The following RGSL1 variants were observed in gnomAD, a reference collection of about 807,000 sequenced individuals.
RGSL1 encodes the protein regulator of G protein signaling like 1.
Under a neutral mutation model 124.7 loss-of-function variants are expected in RGSL1, and 97 were observed. The observed-to-expected ratio is 0.78, with a 90% CI of 0.66 to 0.92. RGSL1 has a LOEUF of 0.92. Ranked by LOEUF, RGSL1 falls within the 40% of genes least tolerant of loss-of-function variation. RGSL1 has a pLI of 0.00. For synonymous variants in RGSL1, 424 were observed against 438.1 expected (o/e 0.97, Z 0.40); for missense variants, 1,233 against 1,288.4 (o/e 0.96, Z 0.66).
intron 6 of RGSL1, among the ~76,000 whole-genome samples, chr1:182,481,583 A>C (rs1654711253): frequency 6.6e-6 from 1 of 152,324 alleles, no homozygotes; most frequent in African/African-American, 2.4e-5. Context: ...TTTCAAAGTA[A>C]TTTATGAGGC....
chr1:182,502,448 T>A (rs1656466537), intron 9 of RGSL1, among the ~76,000 whole-genome samples: 1 of 152,186 alleles, frequency 6.6e-6, no homozygotes, highest in Non-Finnish European at 1.5e-5. Context: ...CAATGGCACA[T>A]GCCTGTAGTC....
chr1:182,525,722 G>T (rs1658690781), intron 10 of RGSL1, among the ~76,000 whole-genome samples: 1 of 151,856 alleles, frequency 6.6e-6, no homozygotes, highest in Non-Finnish European at 1.5e-5. Context: ...CATATTTAAA[G>T]TAAAATCAAA....
intron 15 of RGSL1, among the ~76,000 whole-genome samples, chr1:182,541,750 T>C (rs1446635573): frequency 6.6e-6 from 1 of 152,146 alleles, no homozygotes; most frequent in Non-Finnish European, 1.5e-5. Flanking sequence ...TTATTCCCTG[T>C]CTTTTTGATA....
intron 15 of RGSL1, among the ~76,000 whole-genome samples, chr1:182,546,613 C>T (rs1288422125): frequency 6.6e-6 from 1 of 152,120 alleles, no homozygotes; most frequent in Non-Finnish European, 1.5e-5. Context: ...AGGATGGTCT[C>T]GATCTCCTGA....
At chr1:182,473,249 G>C (rs948640555) in intron 5 of RGSL1, among the ~76,000 whole-genome samples, 1 of 152,156 alleles carries the variant, frequency 6.6e-6, no homozygotes, top group Non-Finnish European at 1.5e-5. Context: ...ATCCTGTTCA[G>C]ATGTAGATGT....
Position 182,560,425 on chromosome 1 carries a change from T to C in RGSL1, c.*312T>C, listed in dbSNP as rs905343847. 3.9e-5 allele frequency: 6 copies of C among 152,170 alleles called. No individual in the cohort carries two copies. The highest frequency in any genetic ancestry group is 9.7e-5 in the African/African-American group (4 of 41,436). 9.4% of individuals were successfully genotyped at this position (152,170 alleles called of 1,614,324 possible). A position where few individuals can be genotyped will look rare whatever the true frequency, so the allele number is the denominator to read the frequency against. ...AGTGACATGAAGTCTCCCCTCTTTA[T>C]ACACACGTATGAAAATACATCTATC... On this transcript the variant is annotated 3_prime_UTR_variant, in exon 22 of 22. Transcript: ENST00000294854.
At chr1:182,488,829 C>A in intron 7 of RGSL1, 151 bp from the exon 8 acceptor site, 1 of 584,842 alleles carries the variant, frequency 1.7e-6, no homozygotes, top group Admixed American at 3.3e-5. Flanking sequence ...TGGGGGTTGG[C>A]ATGTAAAGGA....
chr1:182,498,478 G>T (rs1299863829), intron 9 of RGSL1, among the ~76,000 whole-genome samples: 1 of 152,106 alleles, frequency 6.6e-6, no homozygotes, highest in Non-Finnish European at 1.5e-5. Context: ...TCTTATTAGT[G>T]GTTCGAGCTA....
At chr1:182,499,846 T>C (rs1257688697) in intron 9 of RGSL1, among the ~76,000 whole-genome samples, 1 of 152,208 alleles carries the variant, frequency 6.6e-6, no homozygotes. Flanking sequence ...CTTAAGGACC[T>C]CTTGTAAGGC....
intron 10 of RGSL1, among the ~76,000 whole-genome samples, chr1:182,525,416 A>G (rs912218298): frequency 1.3e-5 from 2 of 152,214 alleles, no homozygotes; most frequent in Non-Finnish European, 2.9e-5. Context: ...ATAATGATTA[A>G]CCAAATATAG....
At chr1:182,460,670 G>A (rs1213851260) in intron 4 of RGSL1, 2 of 455,986 alleles carry the variant, frequency 4.4e-6, no homozygotes, top group South Asian at 3.1e-5. Flanking sequence ...GGTGCTGGAG[G>A]GACTCCCAGG....
intron 9 of RGSL1, among the ~76,000 whole-genome samples, chr1:182,512,499 A>G (rs576877213): frequency 6.6e-6 from 1 of 152,270 alleles, no homozygotes; most frequent in African/African-American, 2.4e-5. Flanking sequence ...GAGGAGGGGC[A>G]CGCAGACAGG....
intron 14 of RGSL1, among the ~76,000 whole-genome samples, chr1:182,535,633 CA>C (rs1278307691): frequency 6.6e-6 from 1 of 152,132 alleles, no homozygotes; most frequent in Admixed American, 6.6e-5. Flanking sequence ...GCCTCTCAAC[CA>C]AAAATTAATA....
chr1:182,475,004 A>C (rs927574131), intron 6 of RGSL1, among the ~76,000 whole-genome samples: 1 of 152,178 alleles, frequency 6.6e-6, no homozygotes, highest in Non-Finnish European at 1.5e-5. Context: ...TGTGCCAAAA[A>C]GGTTGGGGAC....
At chr1:182,528,344 C>A (rs949687934) in intron 11 of RGSL1, among the ~76,000 whole-genome samples, 22 of 152,252 alleles carry the variant, frequency 1.4e-4, no homozygotes, top group African/African-American at 1.9e-4. Flanking sequence ...CCGGCCCCTC[C>A]CAAATCTCAT....
chr1:182,486,648 C>A (rs1655120007), intron 6 of RGSL1, among the ~76,000 whole-genome samples: 1 of 151,850 alleles, frequency 6.6e-6, no homozygotes, highest in South Asian at 2.1e-4. Flanking sequence ...AGCCACTGTA[C>A]CCAGCCTGAG....
chr1:182,488,896 TG>T, intron 7 of RGSL1, 83 bp from the exon 8 acceptor site: 1 of 1,056,122 alleles, frequency 9.5e-7, no homozygotes, highest in Non-Finnish European at 1.4e-6. Context: ...CAGGGAGGCA[TG>T]GAGCACTGAG....
At chr1:182,468,968 G>A (rs266524) in intron 4 of RGSL1, among the ~76,000 whole-genome samples, 33,626 of 151,768 alleles carry the variant, frequency 0.22, 4,762 homozygotes, top group African/African-American at 0.38. Flanking sequence ...GGATGTCCAC[G>A]TGCGAAATAA....
At chr1:182,448,099 G>T (rs1363221031), upstream of RGSL1, 5 of 152,092 alleles carry the variant, frequency 3.3e-5, no homozygotes, top group African/African-American at 4.8e-5. Context: ...CTGTGCACTT[G>T]GGAAAAGGAG....
Sources: gnomAD v4.1 joint callset for allele counts (sites outside exome capture counted in the v4.1 genomes callset) on GRCh38, gnomAD v4.1.1 for gene constraint, MANE v1.5 for transcripts, NCBI Gene and HGNC (gene_info 2026-07-23, HGNC 2026-07-21) for gene names.